MICU1: variants seen among roughly 807,000 people sequenced by gnomAD.
MICU1 encodes the protein mitochondrial calcium uptake 1.
Under a neutral mutation model 56.8 loss-of-function variants are expected in MICU1, and 45 were observed. The observed-to-expected ratio is 0.79, with a 90% CI of 0.62 to 1.02. MICU1 has a LOEUF of 1.02. MICU1 is among the 50% of genes least tolerant of loss of function. The pLI, the probability that MICU1 is intolerant of heterozygous loss-of-function variation, is 0.00. For missense variants in MICU1, 504 were observed against 587.1 expected (o/e 0.86, Z 1.46); for synonymous variants, 186 against 195.1 (o/e 0.95, Z 0.39).
At chr10:72,565,494 T>TG (rs1266830078) in intron 2 of MICU1, among the ~76,000 whole-genome samples, 21 of 48,122 alleles carry the variant, frequency 4.4e-4, no homozygotes, top group African/African-American at 1.7e-3. Flanking sequence ...TGTTGTGGGG[T>TG]GGGGGGAGGG....
At position 72,551,176 on chromosome 10, in the gene MICU1, T is replaced by C. The variant is rs1428317976; in HGVS notation, c.493+3A>G. 5.0e-6 allele frequency: 8 copies of C among 1,596,764 alleles called. No individual in the cohort carries two copies. The highest frequency in any genetic ancestry group is 1.4e-5 in the African/African-American group (1 of 73,904). ...AGTCTTATATTTCACTTTAGCAACT[T>C]ACGTTCTGGTTGTTTTTCATTGGGT... is the stretch of plus-strand genomic sequence containing the variant. On this transcript the variant is annotated splice_donor_region_variant and intron_variant, in intron 4 of 11. Transcript: ENST00000361114.
At chr10:72,538,887 AAAGT>A (rs1195733562) in intron 4 of MICU1, among the ~76,000 whole-genome samples, 2 of 152,276 alleles carry the variant, frequency 1.3e-5, no homozygotes, top group African/African-American at 4.8e-5. Flanking sequence ...AAACAGACTG[AAAGT>A]AAGTAAAGGG....
intron 5 of MICU1, among the ~76,000 whole-genome samples, chr10:72,517,775 AT>A (rs1391198151): frequency 8.2e-6 from 1 of 122,488 alleles, no homozygotes; most frequent in African/African-American, 2.9e-5. Context: ...ACCTATGGAA[AT>A]AAAACTTTTT....
At chr10:72,577,719 A>G (rs1020170019) in intron 1 of MICU1, among the ~76,000 whole-genome samples, 1 of 151,544 alleles carries the variant, frequency 6.6e-6, no homozygotes, top group African/African-American at 2.4e-5. Flanking sequence ...AATTTCAATT[A>G]AAAAAATTTT....
chr10:72,600,310 G>T (rs1423230864), intron 1 of MICU1, among the ~76,000 whole-genome samples: 6 of 116,052 alleles, frequency 5.2e-5, no homozygotes, highest in Middle Eastern at 6.8e-3. Context: ...AAAAAAAAAA[G>T]ATCTACAATA....
At chr10:72,468,271 T>C (rs1589251062) in intron 8 of MICU1, among the ~76,000 whole-genome samples, 1 of 150,702 alleles carries the variant, frequency 6.6e-6, no homozygotes, top group Admixed American at 6.7e-5. Flanking sequence ...TGGTTGCTTC[T>C]TTCTTCTACA....
intron 1 of MICU1, among the ~76,000 whole-genome samples, chr10:72,600,192 T>G (rs1841487321): frequency 6.6e-6 from 1 of 151,236 alleles, no homozygotes; most frequent in African/African-American, 2.4e-5. Flanking sequence ...CTCTGGGGGT[T>G]GAGGCAGGAG....
intron 4 of MICU1, among the ~76,000 whole-genome samples, chr10:72,538,763 C>T (rs554368526): frequency 3.4e-4 from 52 of 152,066 alleles, no homozygotes; most frequent in African/African-American, 1.2e-3. Context: ...ATAACAGTGA[C>T]TATAAATGGT....
intron 1 of MICU1, among the ~76,000 whole-genome samples, chr10:72,575,543 G>A (rs1454157401): frequency 6.6e-6 from 1 of 152,136 alleles, no homozygotes; most frequent in Non-Finnish European, 1.5e-5. Context: ...AAGTCCATTG[G>A]TGCCATTTTC....
chr10:72,490,351 G>A (rs529864601), intron 6 of MICU1, among the ~76,000 whole-genome samples: 9 of 152,262 alleles, frequency 5.9e-5, no homozygotes, highest in African/African-American at 2.2e-4. Flanking sequence ...AGATTTTGAT[G>A]TCAAATAACA....
At chr10:72,450,996 G>A (rs149163667) in intron 8 of MICU1, among the ~76,000 whole-genome samples, 1,561 of 149,372 alleles carry the variant, frequency 0.01, 9 homozygotes, top group Non-Finnish European at 0.019. Flanking sequence ...GATTACAGGC[G>A]TGAGCTACTG....
In MICU1 at chr10:72,562,861, A is replaced by G. The variant is rs1252484121; in HGVS notation, c.330+34T>C. 2.7e-6 allele frequency: 4 copies of G among 1,494,228 alleles called. No individual in the cohort carries two copies. In the East Asian group the frequency reaches 9.5e-5, roughly 35 times the overall value. 92.6% of individuals were successfully genotyped at this position (1,494,228 alleles called of 1,614,324 possible). ...ACTGCATTATTCTACTTTAAGATAT[A>G]CTTCTGATCAACTTATAAGACTATG... On this transcript the variant is annotated intron_variant, in intron 3 of 11. Coordinates refer to ENST00000361114, the MANE Select transcript of MICU1 (RefSeq NM_001195518.2).
intron 8 of MICU1, among the ~76,000 whole-genome samples, chr10:72,432,879 T>C (rs1223356033): frequency 6.6e-6 from 1 of 152,210 alleles, no homozygotes; most frequent in Non-Finnish European, 1.5e-5. Flanking sequence ...CTGTTAATTT[T>C]GTTTAGGTCT....
At chr10:72,454,127 G>T (rs11000311) in intron 8 of MICU1, among the ~76,000 whole-genome samples, 52 of 152,242 alleles carry the variant, frequency 3.4e-4, no homozygotes, top group Admixed American at 9.8e-4. Context: ...CTACCCCGCC[G>T]GGCCCCAACA....
chr10:72,530,232 G>A (rs1839438286), intron 5 of MICU1, among the ~76,000 whole-genome samples: 1 of 151,134 alleles, frequency 6.6e-6, no homozygotes, highest in African/African-American at 2.4e-5. Flanking sequence ...TCAGAAGGCT[G>A]AGGCAGGAGA....
At chr10:72,375,720 A>T in intron 11 of MICU1, 63 bp downstream of exon 11, 3 of 1,478,898 alleles carry the variant, frequency 2.0e-6, no homozygotes, top group Non-Finnish European at 2.8e-6. Flanking sequence ...GCTCCATTAT[A>T]CACAAGGGCC....
chr10:72,502,561 C>G (rs1867113828), intron 6 of MICU1, among the ~76,000 whole-genome samples: 1 of 152,210 alleles, frequency 6.6e-6, no homozygotes, highest in South Asian at 2.1e-4. Context: ...TGTGGCCCTG[C>G]TATCCATCAG....
intron 1 of MICU1, among the ~76,000 whole-genome samples, chr10:72,621,146 C>T (rs1433586932): frequency 6.6e-6 from 1 of 152,132 alleles, no homozygotes; most frequent in African/African-American, 2.4e-5. Flanking sequence ...AAAGTTAACA[C>T]CCAGTAATAG....
chr10:72,392,365 T>C (rs1208454403), intron 10 of MICU1, among the ~76,000 whole-genome samples: 1 of 151,700 alleles, frequency 6.6e-6, no homozygotes, highest in Non-Finnish European at 1.5e-5. Context: ...AGGTCAGGAG[T>C]TCAAGACCAG....
Sources: allele counts gnomAD v4.1 joint callset (sites outside exome capture counted in the v4.1 genomes callset), GRCh38; gene constraint gnomAD v4.1.1; transcripts MANE v1.5; gene names NCBI Gene and HGNC (gene_info 2026-07-23, HGNC 2026-07-21).